Variants in SLFN11 observed in about 807,000 individuals in gnomAD.
SLFN11 encodes schlafen family member 11.
Under a neutral mutation model 53.4 loss-of-function variants are expected in SLFN11, and 43 were observed. That is an observed-to-expected ratio of 0.80 (90% confidence interval 0.63 to 1.04). The LOEUF is 1.04. SLFN11 is among the 50% of genes least tolerant of loss of function. The pLI, the probability that SLFN11 is intolerant of heterozygous loss-of-function variation, is 0.00. For synonymous variants in SLFN11, 389 were observed against 394.7 expected, an observed-to-expected ratio of 0.99 and a Z score of 0.17; for missense variants, 990 against 1,079.1, an observed-to-expected ratio of 0.92 and a Z score of 1.16.
chr17:35,366,984 A>T lies in SLFN11; in HGVS notation c.-57T>A, dbSNP rs1477869041. 1.3e-5 allele frequency: 2 copies of T among 151,694 alleles called. No individual in the cohort carries two copies. Among genetic ancestry groups the T allele is most frequent in the African/African-American group, 4.8e-5 (2 of 41,288 alleles). The allele number at this position is 151,694 out of a possible 1,614,324, so 9.4% of individuals were successfully genotyped here. On this transcript the variant is annotated 5_prime_UTR_variant, in exon 3 of 7. Coordinates refer to ENST00000685675, the MANE Select transcript of SLFN11 (RefSeq NM_001376007.1). ...CTACTCAGGCGGCTGAGGTGAGAGA[A>T]TCACCTGAGCCTTCGAGACGAGATT...
Position 35,360,327 on chromosome 17 carries a change from A to G in SLFN11, c.1114T>C (p.Ser372Pro), listed in dbSNP as rs151268612. The change falls in exon 5 of 7, where the codon TCT becomes CCT. Residue 372 changes from serine to proline, a missense_variant. Transcript: ENST00000685675. ...SEDFECQLSL[S>P]SGPPLSRPVY... Reference sequence around the variant, plus strand: ...GGTCTGCTAAGGGGAGGCCCACTAGATAGACTCAGCTGACATTCAAAATCT... The same window carrying G: ...GGTCTGCTAAGGGGAGGCCCACTAGGTAGACTCAGCTGACATTCAAAATCT... 3 of 1,610,250 alleles carry G rather than the reference A, an allele frequency of 1.9e-6. No individual in the cohort carries two copies. Among genetic ancestry groups the G allele is most frequent in the Non-Finnish European group, 2.5e-6 (3 of 1,178,788 alleles).
In SLFN11 at chr17:35,373,548, G is replaced by A. The variant is rs1020407155; in HGVS notation, c.-309C>T. ...AAGCACGGGTAGAAACGCAACTCCG[G>A]AGTCCCAGGCTGGGGGCAAGGACCC... On this transcript the variant is annotated 5_prime_UTR_variant, in exon 1 of 7. Coordinates refer to ENST00000685675, the MANE Select transcript of SLFN11 (RefSeq NM_001376007.1). 2 of 151,908 alleles carry A rather than the reference G, an allele frequency of 1.3e-5. No homozygotes were observed. Among genetic ancestry groups the A allele is most frequent in the Non-Finnish European group, 2.9e-5 (2 of 68,066 alleles). 9.4% of individuals were successfully genotyped at this position (151,908 alleles called of 1,614,324 possible).
chr17:35,362,700 G>T, intron 4 of SLFN11, 39 bp downstream of exon 4: 1 of 1,480,088 alleles, frequency 6.8e-7, no homozygotes, highest in Non-Finnish European at 9.1e-7. Context: ...TCCCAAGGAT[G>T]TAGAAAGGAC....
In SLFN11 at chr17:35,363,515, T is replaced by A; in HGVS notation, c.293A>T (p.Gln98Leu). The change falls in exon 4 of 7, where the codon CAA becomes CTA. Residue 98 changes from glutamine (Q) to leucine (L), a missense_variant. Transcript: ENST00000685675. ...SDLQAFFETK[Q>L]QGRCFYIFVK... ...AAAAATGTAAAAACACCTTCCTTGT[T>A]GCTTGGTCTCAAAGAAAGCCTGCAG... is the stretch of plus-strand genomic sequence containing the variant. The A allele has an allele frequency of 6.2e-7, 1 of 1,614,064 alleles. No homozygotes were observed. The highest frequency in any genetic ancestry group is 1.3e-5 in the African/African-American group (1 of 75,054).
chr17:35,362,997 T>C lies in SLFN11; in HGVS notation c.811A>G (p.Arg271Gly), dbSNP rs767993482. The change falls in exon 4 of 7, where the codon AGA becomes GGA. Residue 271 changes from arginine to glycine, a missense_variant. By Grantham distance (125) the Arg-to-Gly change is moderately radical (BLOSUM62 -2). This residue lies in a region of SLFN11 where 521 missense variants were observed against 516.2 expected (regional missense o/e 1.01). Coordinates refer to ENST00000685675, the MANE Select transcript of SLFN11 (RefSeq NM_001376007.1). ...TATATGGCTTGTTCTATTTTCCTTC[T>C]CAAAGAGTCAGGGTCAACATTTTCT... Reference protein sequence around the residue: ...AKENVDPDSLRRKIEQAIYKL... With the variant: ...AKENVDPDSLGRKIEQAIYKL... 2 of 1,614,014 alleles carry C rather than the reference T, an allele frequency of 1.2e-6. No homozygotes were observed.
At chr17:35,365,331 A>G (rs1908824137) in intron 3 of SLFN11, among the ~76,000 whole-genome samples, 3 of 152,280 alleles carry the variant, frequency 2.0e-5, no homozygotes, top group South Asian at 4.1e-4. Flanking sequence ...TCACTCTGTC[A>G]TCCAGGCTGG....
chr17:35,352,389 T>G lies in SLFN11; in HGVS notation c.2673A>C (p.Gln891His), dbSNP rs766381391. 2.5e-5 allele frequency: 41 copies of G among 1,614,046 alleles called. No individual in the cohort carries two copies. The South Asian group carries it at 3.6e-4, about 14-fold the overall frequency. Residue 891 changes from glutamine (Q) to histidine (H), a missense_variant, in exon 7 of 7, where the codon CAA (glutamine) becomes CAC (histidine). By Grantham distance (24) the Gln-to-His change is conservative. This residue lies in a region of SLFN11 where 313 missense variants were observed against 320.9 expected (regional missense o/e 0.98). Transcript: ENST00000685675. ...VLICLASRAKQHLYIFPWGGH is the reference protein window; with the variant it reads ...VLICLASRAKHHLYIFPWGGH ...CACCCCACGGAAAAATATACAGGTG[T>G]TGTTTTGCCCTGGAAGCCAGACAGA...
intron 1 of SLFN11, among the ~76,000 whole-genome samples, chr17:35,368,924 A>G (rs8067192): frequency 1 from 151,949 of 152,124 alleles, 75,889 homozygotes; most frequent in Non-Finnish European, 1. Context: ...TTAAAGGGAA[A>G]GACCCAGTCC....
At chr17:35,371,704 T>A (rs57344583) in intron 1 of SLFN11, among the ~76,000 whole-genome samples, 3 of 151,994 alleles carry the variant, frequency 2.0e-5, no homozygotes, top group Admixed American at 2.0e-4. Context: ...AAATGGCAAA[T>A]AGGCATGTGA....
At chr17:35,365,118 CAGA>C (rs146227696) in intron 3 of SLFN11, among the ~76,000 whole-genome samples, 34 of 151,922 alleles carry the variant, frequency 2.2e-4, no homozygotes, top group African/African-American at 7.7e-4. Context: ...ATCCAGGATG[CAGA>C]AGAAGGTCAG....
rs531042478 is a variant in SLFN11 at position 35,352,599 on chromosome 17, G to C, written c.2463C>G (p.His821Gln). ...TTGCTTTCAAGAGCTCATACTTATA[G>C]TGCTCCACTTCTTTTGCGGTGCTGA... is the stretch of plus-strand genomic sequence containing the variant. ...VLVSTAKEVE[H>Q]YKYELLKAMR... The change falls in exon 7 of 7, where the codon CAC becomes CAG. Residue 821 changes from histidine to glutamine, a missense_variant. Physicochemically the swap from His to Gln is conservative, Grantham distance 24. This residue lies in a region of SLFN11 where 313 missense variants were observed against 320.9 expected (regional missense o/e 0.98). Transcript: ENST00000685675. 3.5e-5 allele frequency: 56 copies of C among 1,614,082 alleles called. No individual in the cohort carries two copies. In the African/African-American group the frequency reaches 7.3e-4, roughly 21 times the overall value.
intron 1 of SLFN11, among the ~76,000 whole-genome samples, chr17:35,371,627 A>T (rs1327947478): frequency 6.6e-6 from 1 of 152,096 alleles, no homozygotes; most frequent in African/African-American, 2.4e-5. Flanking sequence ...CTCTATAGGG[A>T]AAAAAATCTA....
intron 5 of SLFN11, among the ~76,000 whole-genome samples, chr17:35,357,240 A>T (rs763538902): frequency 2.2e-4 from 33 of 151,112 alleles, no homozygotes; most frequent in South Asian, 6.3e-4. Context: ...TTTGGTTGTG[A>T]TACGGGTTGC....
In SLFN11 at chr17:35,359,384, G is replaced by C. The variant is rs570270416; in HGVS notation, c.1198+859C>G. 2.8e-4 allele frequency among the ~76,000 whole-genome samples: 43 copies of C among 152,094 alleles called. 2 individuals carry two copies. In the South Asian group the frequency reaches 8.5e-3, roughly 30 times the overall value. On this transcript the variant is annotated intron_variant, in intron 5 of 6. Transcript: ENST00000685675. The stretch of plus-strand genomic sequence containing the variant: ...AAAGGAAAAAATGAAATTCTAATGG[G>C]GGCAGTCATTATCTATTAATTTAAT...
chr17:35,360,391 G>A lies in SLFN11; in HGVS notation c.1070-20C>T. 3 of 1,592,468 alleles carry A rather than the reference G, an allele frequency of 1.9e-6. No individual in the cohort carries two copies. The South Asian group carries it at 3.5e-5, about 18-fold the overall frequency. On this transcript the variant is annotated intron_variant, in intron 4 of 6. Transcript: ENST00000685675. ...GAAGATCTTAAGAAAGAAAATTCATGTTATTCTGACGTGTTAATCTCTTCA... is the reference window on the plus strand; with the variant it reads ...GAAGATCTTAAGAAAGAAAATTCATATTATTCTGACGTGTTAATCTCTTCA...
rs186594920 is a variant in SLFN11 at position 35,366,994 on chromosome 17, C to G, written c.-67G>C. On this transcript the variant is annotated 5_prime_UTR_variant, in exon 3 of 7. Transcript: ENST00000685675. ...GGCTGAGGTGAGAGAATCACCTGAG[C>G]CTTCGAGACGAGATTGTGGTGAACC... The G allele has an allele frequency of 4.6e-5, 7 of 151,666 alleles. No individual in the cohort carries two copies. Among genetic ancestry groups the G allele is most frequent in the African/African-American group, 1.5e-4 (6 of 41,302 alleles). The allele number at this position is 151,666 out of a possible 1,614,324, so 9.4% of individuals were successfully genotyped here. A position where few individuals can be genotyped will look rare whatever the true frequency, so the allele number is the denominator to read the frequency against.
Position 35,362,809 on chromosome 17 carries a change from T to C in SLFN11, c.999A>G (p.Ile333Met). Residue 333 changes from isoleucine (I) to methionine (M), a missense_variant, in exon 4 of 7, where the codon ATA (isoleucine) becomes ATG (methionine). Around this residue, in one of 3 missense-constraint regions of SLFN11, gnomAD observed 521 missense variants for 516.2 expected, o/e 1.01. Coordinates refer to ENST00000685675, the MANE Select transcript of SLFN11 (RefSeq NM_001376007.1). ...AVFSEAPNSW[I>M]VEDKYVCSLT... ...GGCTGCAGACGTACTTGTCCTCCAC[T>C]ATCCATGAATTGGGAGCTTCTGAGA... 6.2e-7 allele frequency: 1 copy of C among 1,612,118 alleles called. No homozygotes were observed. The highest frequency in any genetic ancestry group is 8.5e-7 in the Non-Finnish European group (1 of 1,179,124).
At chr17:35,361,806 G>T (rs1006150392) in intron 4 of SLFN11, among the ~76,000 whole-genome samples, 4 of 151,852 alleles carry the variant, frequency 2.6e-5, no homozygotes, top group African/African-American at 9.7e-5. Flanking sequence ...GTGCAGTGGT[G>T]CAATCTCGGC....
chr17:35,365,357 C>T (rs578042827), intron 3 of SLFN11, among the ~76,000 whole-genome samples: 10 of 152,238 alleles, frequency 6.6e-5, no homozygotes, highest in South Asian at 2.1e-4. Context: ...AGTCACAGCT[C>T]ACTGCAGCCT....
Sources: gnomAD v4.1 joint callset for allele counts (sites outside exome capture counted in the v4.1 genomes callset) on GRCh38, gnomAD v4.1.1 for gene constraint, gnomAD v4.1.1 regional missense constraint, MANE v1.5 for transcripts, NCBI Gene and HGNC (gene_info 2026-07-23, HGNC 2026-07-21) for gene names.